SLC24A2: variants seen among roughly 807,000 people sequenced by gnomAD.
The protein encoded by SLC24A2 is solute carrier family 24 member 2.
Under a neutral mutation model 62.0 loss-of-function variants are expected in SLC24A2, and 36 were observed. The ratio of observed to expected loss-of-function variants is 0.58; its 90% CI spans 0.44 to 0.77. The LOEUF (loss-of-function observed/expected upper bound fraction) is 0.77. Ranked by LOEUF, SLC24A2 falls within the 30% of genes least tolerant of loss-of-function variation. The pLI, the probability that SLC24A2 is intolerant of heterozygous loss-of-function variation, is 0.00. For synonymous variants in SLC24A2, 358 were observed against 294.0 expected (o/e 1.22, Z -2.23); for missense variants, 846 against 817.9 (o/e 1.03, Z -0.42).
At chr9:20,043,922 T>C in the SLC24A2 span, among the ~76,000 whole-genome samples, 9 of 152,272 alleles carry the variant, frequency 5.9e-5, no homozygotes, top group African/African-American at 2.2e-4. Context: ...TATCACATGC[T>C]ACAGAAAAAA....
chr9:20,205,189 A>G, the SLC24A2 span, among the ~76,000 whole-genome samples: 1 of 152,174 alleles, frequency 6.6e-6, no homozygotes, highest in Non-Finnish European at 1.5e-5. Flanking sequence ...AAAAAACTGT[A>G]TGAGAAAATG....
At chr9:19,906,069 A>G in the SLC24A2 span, among the ~76,000 whole-genome samples, 1 of 152,234 alleles carries the variant, frequency 6.6e-6, no homozygotes, top group Non-Finnish European at 1.5e-5. Context: ...CTGACCACAT[A>G]CTTGGAAGTA....
the SLC24A2 span, among the ~76,000 whole-genome samples, chr9:20,073,969 T>C: frequency 2.9e-4 from 43 of 149,904 alleles, no homozygotes; most frequent in African/African-American, 8.5e-4. Flanking sequence ...CACATATCCT[T>C]GTGGAGAAAA....
chr9:19,607,867 C>T (rs1213166605), intron 4 of SLC24A2, among the ~76,000 whole-genome samples: 1 of 152,148 alleles, frequency 6.6e-6, no homozygotes, highest in Non-Finnish European at 1.5e-5. Flanking sequence ...AATTCACATT[C>T]CCTTATGGCT....
At chr9:20,231,685 G>T in the SLC24A2 span, among the ~76,000 whole-genome samples, 2 of 152,122 alleles carry the variant, frequency 1.3e-5, no homozygotes, top group African/African-American at 4.8e-5. Flanking sequence ...TGCAAACAGG[G>T]ACAATTTGAC....
the SLC24A2 span, among the ~76,000 whole-genome samples, chr9:20,185,909 C>G: frequency 3.9e-5 from 6 of 152,176 alleles, no homozygotes; most frequent in Non-Finnish European, 7.3e-5. Flanking sequence ...CTGAGATGTA[C>G]TGAACTCCAG....
At chr9:20,266,095 G>A in the SLC24A2 span, among the ~76,000 whole-genome samples, 1 of 152,140 alleles carries the variant, frequency 6.6e-6, no homozygotes, top group African/African-American at 2.4e-5. Context: ...ATTTCGCCCT[G>A]GTCCTGTGGT....
At chr9:20,261,586 G>A in the SLC24A2 span, among the ~76,000 whole-genome samples, 2 of 152,132 alleles carry the variant, frequency 1.3e-5, no homozygotes, top group Admixed American at 1.3e-4. Context: ...CTGAATTGGG[G>A]ATTAAGTTTC....
chr9:19,764,872 T>G (rs752961540), intron 2 of SLC24A2, among the ~76,000 whole-genome samples: 1 of 152,062 alleles, frequency 6.6e-6, no homozygotes, highest in Non-Finnish European at 1.5e-5. Flanking sequence ...TTTGTCTCAT[T>G]GATCTAATAT....
At chr9:20,124,794 A>T in the SLC24A2 span, among the ~76,000 whole-genome samples, 1 of 152,212 alleles carries the variant, frequency 6.6e-6, no homozygotes, top group Non-Finnish European at 1.5e-5. Context: ...GCTTATAGTC[A>T]GTAAGTATAA....
chr9:20,031,338 A>G, the SLC24A2 span, among the ~76,000 whole-genome samples: 2 of 119,094 alleles, frequency 1.7e-5, no homozygotes, highest in African/African-American at 6.3e-5. Flanking sequence ...GCCCATATAT[A>G]TGTACACACA....
At chr9:19,617,944 G>A (rs1262691606) in intron 4 of SLC24A2, among the ~76,000 whole-genome samples, 3 of 152,216 alleles carry the variant, frequency 2.0e-5, no homozygotes, top group East Asian at 3.8e-4. Flanking sequence ...GCAGGCAAGC[G>A]ATGGAGATGG....
chr9:20,127,796 G>T, the SLC24A2 span, among the ~76,000 whole-genome samples: 1 of 152,152 alleles, frequency 6.6e-6, no homozygotes, highest in Non-Finnish European at 1.5e-5. Context: ...CTAGACCAAT[G>T]TCAGGCAGTA....
chr9:19,595,023 T>C (rs940107784), intron 5 of SLC24A2, among the ~76,000 whole-genome samples: 2 of 152,232 alleles, frequency 1.3e-5, no homozygotes, highest in African/African-American at 4.8e-5. Context: ...GGGATTGCTA[T>C]GTATTTAGAA....
intron 2 of SLC24A2, among the ~76,000 whole-genome samples, chr9:19,734,471 T>C (rs1032958276): frequency 1.3e-5 from 2 of 152,164 alleles, no homozygotes; most frequent in African/African-American, 4.8e-5. Context: ...ATAAATTACC[T>C]TGGGCAGTAT....
At chr9:20,189,641 G>C in the SLC24A2 span, among the ~76,000 whole-genome samples, 2 of 152,282 alleles carry the variant, frequency 1.3e-5, no homozygotes, top group South Asian at 2.1e-4. Flanking sequence ...CAACAGCTTT[G>C]AATTTCACAT....
chr9:19,821,073 GT>G, the SLC24A2 span, among the ~76,000 whole-genome samples: 4 of 152,060 alleles, frequency 2.6e-5, no homozygotes, highest in Non-Finnish European at 5.9e-5. Context: ...TTAGTGGATA[GT>G]TTCTGAAGGA....
chr9:20,292,844 C>T, the SLC24A2 span, among the ~76,000 whole-genome samples: 4 of 152,202 alleles, frequency 2.6e-5, no homozygotes, highest in East Asian at 7.7e-4. Context: ...CCTGCCTTGG[C>T]CTCCCAAATC....
the SLC24A2 span, among the ~76,000 whole-genome samples, chr9:19,908,754 T>G: frequency 0.98 from 149,617 of 152,314 alleles, 73,541 homozygotes; most frequent in East Asian, 1. Context: ...CTGGCCATCA[T>G]AGAAATGCAA....
Sources: allele counts gnomAD v4.1 joint callset (sites outside exome capture counted in the v4.1 genomes callset), GRCh38; gene constraint gnomAD v4.1.1; transcripts MANE v1.5; gene names NCBI Gene and HGNC (gene_info 2026-07-23, HGNC 2026-07-21).